The following MYCBP2 variants were observed in gnomAD, a reference collection of about 807,000 sequenced individuals.
MYCBP2 encodes MYC binding protein 2.
MYCBP2 carries 120 observed loss-of-function variants against 525.3 expected under a neutral mutation model. That is an observed-to-expected ratio of 0.23 (90% CI 0.20 to 0.27). The LOEUF is 0.27. MYCBP2 is among the 10% of genes least tolerant of loss of function. MYCBP2 has a pLI of 1.00. For missense variants in MYCBP2, 4,149 were observed against 5,657.1 expected (o/e 0.73, Z 8.55); for synonymous variants, 1,894 against 1,955.8 (o/e 0.97, Z 0.83).
chr13:77,124,574 A>T (rs963437391), intron 54 of MYCBP2, among the ~76,000 whole-genome samples: 4 of 152,210 alleles, frequency 2.6e-5, no homozygotes, highest in Admixed American at 2.0e-4. Context: ...AAACTGTTTC[A>T]GTACTAGGAA....
chr13:77,096,211 T>A, intron 57 of MYCBP2, 101 bp downstream of exon 57: 2 of 1,180,562 alleles, frequency 1.7e-6, no homozygotes, highest in Non-Finnish European at 2.3e-6. Context: ...TCTTTTAATA[T>A]CAACTATGTG....
At chr13:77,128,366 G>A (rs566360487) in intron 52 of MYCBP2, among the ~76,000 whole-genome samples, 60 of 151,780 alleles carry the variant, frequency 4.0e-4, no homozygotes, top group Non-Finnish European at 7.8e-4. Flanking sequence ...AATATCCATA[G>A]ATTTAGCAAA....
Position 77,185,958 on chromosome 13 carries a change from G to A in MYCBP2, c.4357C>T (p.Leu1453Phe). The part of the protein sequence containing the change: ...GLKGFQFTAT[L>F]LDLERLRFVG... ...AAGCGCAGTCTCTCTAAATCTAGGAGTGTAGCTGTGAACTGGAATCCTTTT... is the reference window on the plus strand; with the variant it reads ...AAGCGCAGTCTCTCTAAATCTAGGAATGTAGCTGTGAACTGGAATCCTTTT... The change falls in exon 31 of 83, where the codon CTC (leucine) becomes TTC (phenylalanine). Residue 1453 changes from leucine (L) to phenylalanine (F), a missense_variant. Coordinates refer to ENST00000544440, the MANE Select transcript of MYCBP2 (RefSeq NM_015057.5). 1 of 1,613,882 alleles carries A rather than the reference G, an allele frequency of 6.2e-7. No homozygotes were observed. The highest frequency in any genetic ancestry group is 8.5e-7 in the Non-Finnish European group (1 of 1,179,860).
At chr13:77,070,750 TG>T in intron 68 of MYCBP2, 39 bp from the exon 69 acceptor site, 1 of 1,296,928 alleles carries the variant, frequency 7.7e-7, no homozygotes, top group Non-Finnish European at 1.1e-6. Context: ...AAGAATGAAG[TG>T]GTCTCTTTAA....
intron 76 of MYCBP2, among the ~76,000 whole-genome samples, chr13:77,060,368 T>C (rs911032617): frequency 6.6e-6 from 1 of 152,208 alleles, no homozygotes; most frequent in African/African-American, 2.4e-5. Flanking sequence ...CACTGACAGA[T>C]TATAGGAGGA....
At position 77,121,365 on chromosome 13, in the gene MYCBP2, A is replaced by AGTCTTT; in HGVS notation, c.8140+7_8140+8insAAAGAC. 3.3e-6 allele frequency: 5 copies of AGTCTTT among 1,531,632 alleles called. No individual in the cohort carries two copies. The highest frequency in any genetic ancestry group is 4.4e-6 in the Non-Finnish European group (5 of 1,130,984). 94.9% of individuals were successfully genotyped at this position (1,531,632 alleles called of 1,614,324 possible). On this transcript the variant is annotated splice_region_variant and intron_variant, in intron 55 of 82. Transcript: ENST00000544440. ...AGGTAAGTAAAAGACTTACTTTTAA[A>AGTCTTT]TACCTACCTTTGCTATTTCCGAGTC...
chr13:77,255,988 AG>A (rs1428300454), intron 14 of MYCBP2, among the ~76,000 whole-genome samples: 2 of 152,094 alleles, frequency 1.3e-5, no homozygotes, highest in Non-Finnish European at 2.9e-5. Context: ...ATAAAAATTG[AG>A]GGCAAGAAGT....
At chr13:77,156,903 A>G (rs2057279285) in intron 45 of MYCBP2, among the ~76,000 whole-genome samples, 1 of 152,302 alleles carries the variant, frequency 6.6e-6, no homozygotes, top group Middle Eastern at 3.4e-3. Flanking sequence ...CTCTCCAATC[A>G]CTATTTTGTG....
chr13:77,288,432 A>AT, intron 2 of MYCBP2, 56 bp from the exon 3 acceptor site: 1 of 1,423,474 alleles, frequency 7.0e-7, no homozygotes. Flanking sequence ...ATCAAGTCCC[A>AT]TTTTACATAA....
chr13:77,087,615 A>C lies in MYCBP2; in HGVS notation c.10744T>G (p.Cys3582Gly). 1 of 1,611,838 alleles carries C rather than the reference A, an allele frequency of 6.2e-7. No individual in the cohort carries two copies. Among genetic ancestry groups the C allele is most frequent in the Non-Finnish European group, 8.5e-7 (1 of 1,178,988 alleles). ...FAMEAFNWLL[C>G]NVIQTTSLHD... is the part of the protein sequence containing the mutation. ...AGAGAAGTGGTTTGGATGACATTAC[A>C]CAGAAGCCAGTTGAAAGCCTGAAGA... The change falls in exon 62 of 83, where the codon TGT becomes GGT. Residue 3582 changes from cysteine to glycine, a missense_variant. Around this residue, in one of 21 missense-constraint regions of MYCBP2, gnomAD observed 509 missense variants for 789.4 expected, o/e 0.64. Transcript: ENST00000544440.
chr13:77,174,786 A>G lies in MYCBP2; in HGVS notation c.5473-297T>C, dbSNP rs79336758. ...CAGATGAGGAATCTGAGGTTCAGAG[A>G]AGTTAAGTAACTTGTTCAAAGTCAC... On this transcript the variant is annotated intron_variant, in intron 36 of 82. Coordinates refer to ENST00000544440, the MANE Select transcript of MYCBP2 (RefSeq NM_015057.5). 5.6e-3 allele frequency among the ~76,000 whole-genome samples: 823 copies of G among 147,698 alleles called. 8 individuals carry two copies. The highest frequency in any genetic ancestry group is 0.02 in the African/African-American group (773 of 39,226).
At chr13:77,207,995 C>T (rs1470718094) in intron 23 of MYCBP2, among the ~76,000 whole-genome samples, 1 of 121,158 alleles carries the variant, frequency 8.3e-6, no homozygotes, top group Admixed American at 1.1e-4. Flanking sequence ...GAGTATTTGA[C>T]TGCTTCCTCT....
In MYCBP2 at chr13:77,251,232, A is replaced by C; in HGVS notation, c.2300T>G (p.Met767Arg). ...GMHKWKLEQC[M>R]VCTVCGDCTG... ...ACAGTCTCCACAGACAGTGCAAACC[A>C]TGCACTGCTCCAGCTTCCATTTGTG... Residue 767 changes from methionine (M) to arginine (R), a missense_variant, in exon 15 of 83, where the codon ATG becomes AGG. Coordinates refer to ENST00000544440, the MANE Select transcript of MYCBP2 (RefSeq NM_015057.5). 1 of 1,614,164 alleles carries C rather than the reference A, an allele frequency of 6.2e-7. No homozygotes were observed.
chr13:77,165,452 C>T (rs1191706249), intron 41 of MYCBP2, 61 bp from the exon 42 acceptor site: 1 of 1,222,944 alleles, frequency 8.2e-7, no homozygotes, highest in East Asian at 2.4e-5. Context: ...ATTTCCCTGT[C>T]TTTTATCCAA....
intron 46 of MYCBP2, 119 bp downstream of exon 46, chr13:77,155,939 T>A (rs1474384898): frequency 3.0e-5 from 27 of 913,382 alleles, no homozygotes; most frequent in Non-Finnish European, 4.1e-5. Context: ...ACTTTCAGCA[T>A]CACCCTTTAT....
chr13:77,259,905 T>C (rs2072957538), intron 13 of MYCBP2, among the ~76,000 whole-genome samples: 2 of 152,202 alleles, frequency 1.3e-5, no homozygotes, highest in African/African-American at 4.8e-5. Flanking sequence ...TAGCTAGTTC[T>C]ACCCCTCATA....
In MYCBP2 at chr13:77,098,710, G is replaced by A; in HGVS notation, c.8444C>T (p.Pro2815Leu). Reference sequence around the variant, plus strand: ...CTTAGGAGATGACAACCGAGAACCTGGTCCTGGGGATTCAGCTCTGGAGCT... The same window carrying A: ...CTTAGGAGATGACAACCGAGAACCTAGTCCTGGGGATTCAGCTCTGGAGCT... ...PSSSRAESPG[P>L]GSRLSSPKPK... Residue 2815 changes from proline to leucine, a missense_variant, in exon 56 of 83, where the codon CCA becomes CTA. By Grantham distance (98) the Pro-to-Leu change is moderately conservative. Coordinates refer to ENST00000544440, the MANE Select transcript of MYCBP2 (RefSeq NM_015057.5). 1 of 1,613,480 alleles carries A rather than the reference G, an allele frequency of 6.2e-7. No individual in the cohort carries two copies. Among genetic ancestry groups the A allele is most frequent in the Non-Finnish European group, 8.5e-7 (1 of 1,179,734 alleles).
chr13:77,211,399 T>C (rs2063988153), intron 22 of MYCBP2, 79 bp from the exon 23 acceptor site: 8 of 707,456 alleles, frequency 1.1e-5, no homozygotes, highest in Non-Finnish European at 1.5e-5. Context: ...AGTAGTATTA[T>C]CTCCATTTCT....
chr13:77,270,136 T>C, intron 6 of MYCBP2, 73 bp from the exon 7 acceptor site: 1 of 1,465,098 alleles, frequency 6.8e-7, no homozygotes, highest in Non-Finnish European at 9.3e-7. Context: ...TACAAATGGG[T>C]GAATGACATT....
Sources: gnomAD v4.1 joint callset for allele counts (sites outside exome capture counted in the v4.1 genomes callset) on GRCh38, gnomAD v4.1.1 for gene constraint, gnomAD v4.1.1 regional missense constraint, MANE v1.5 for transcripts, NCBI Gene and HGNC (gene_info 2026-07-23, HGNC 2026-07-21) for gene names.